The following CENPP variants were observed in gnomAD, a reference collection of about 807,000 sequenced individuals.
The protein encoded by CENPP is centromere protein P.
Under a neutral mutation model 35.6 loss-of-function variants are expected in CENPP, and 24 were observed. The ratio of observed to expected loss-of-function variants is 0.67; its 90% CI spans 0.49 to 0.95. The LOEUF (loss-of-function observed/expected upper bound fraction) is 0.95, where lower values mean the gene tolerates loss of function less well. Ranked by LOEUF, CENPP falls within the 40% of genes least tolerant of loss-of-function variation. The pLI, the probability that CENPP is intolerant of heterozygous loss-of-function variation, is 0.00. For missense variants in CENPP, 332 were observed against 345.3 expected, an observed-to-expected ratio of 0.96 and a Z score of 0.31; for synonymous variants, 120 against 125.5, an observed-to-expected ratio of 0.96 and a Z score of 0.29.
chr9:92,472,650 T>A (rs1045756272), intron 5 of CENPP, among the ~76,000 whole-genome samples: 1 of 152,040 alleles, frequency 6.6e-6, no homozygotes, highest in African/African-American at 2.4e-5. Context: ...AGAGCAAGAC[T>A]CTGTCTCAAA....
intron 5 of CENPP, among the ~76,000 whole-genome samples, chr9:92,525,310 T>C (rs146032823): frequency 0.04 from 6,043 of 150,144 alleles, 183 homozygotes; most frequent in South Asian, 0.099. Context: ...AGAGCGAGAC[T>C]CTGTCTCAAA....
chr9:92,562,209 T>C (rs998252607), intron 5 of CENPP, among the ~76,000 whole-genome samples: 2 of 145,342 alleles, frequency 1.4e-5, no homozygotes, highest in Non-Finnish European at 3.0e-5. Context: ...TTTCTTTTCT[T>C]TTTTTTTTTT....
intron 5 of CENPP, chr9:92,600,578 C>T (rs990662913): frequency 1.0e-5 from 16 of 1,606,826 alleles, no homozygotes; most frequent in East Asian, 6.7e-5. Flanking sequence ...CAAGCCCTTG[C>T]GAGGGTTCTG....
intron 5 of CENPP, among the ~76,000 whole-genome samples, chr9:92,515,854 G>C (rs570244829): frequency 3.5e-4 from 54 of 152,272 alleles, no homozygotes; most frequent in African/African-American, 1.3e-3. Flanking sequence ...CTGGACTTAA[G>C]TGATGTTGCT....
At chr9:92,402,531 C>T (rs922476948) in intron 5 of CENPP, among the ~76,000 whole-genome samples, 3 of 152,132 alleles carry the variant, frequency 2.0e-5, no homozygotes, top group Admixed American at 1.3e-4. Context: ...TTTCCTTACC[C>T]AGCATTCATT....
intron 5 of CENPP, among the ~76,000 whole-genome samples, chr9:92,416,366 A>G (rs544840240): frequency 6.6e-6 from 1 of 152,076 alleles, no homozygotes; most frequent in East Asian, 1.9e-4. Context: ...TAGCCTCCCA[A>G]AGTGCTCTGA....
chr9:92,356,842 A>G (rs13297018), intron 4 of CENPP, among the ~76,000 whole-genome samples: 1 of 152,224 alleles, frequency 6.6e-6, no homozygotes, highest in Admixed American at 6.5e-5. Context: ...TGAAATCTTC[A>G]CAATTTATGT....
intron 5 of CENPP, among the ~76,000 whole-genome samples, chr9:92,528,874 A>T (rs1467594662): frequency 6.6e-6 from 1 of 152,238 alleles, no homozygotes; most frequent in African/African-American, 2.4e-5. Context: ...GTTGACCCAT[A>T]ATGGGAAAAA....
In CENPP at chr9:92,455,533, A is replaced by G. The variant is rs538370716; in HGVS notation, c.564+75674A>G. Among the ~76,000 whole-genome samples, 9 of 152,248 alleles carry G rather than the reference A, an allele frequency of 5.9e-5. No individual in the cohort carries two copies. In the South Asian group the frequency reaches 1.7e-3, roughly 28 times the overall value. ...AAGAATGACCTGGCCCAAAATGTCA[A>G]GGGAGCCAAAGTTGAGTAACTCCAC... On this transcript the variant is annotated intron_variant, in intron 5 of 7. Coordinates refer to ENST00000375587, the MANE Select transcript of CENPP (RefSeq NM_001012267.3).
chr9:92,387,069 A>G (rs1233196925), intron 5 of CENPP, among the ~76,000 whole-genome samples: 3 of 148,448 alleles, frequency 2.0e-5, no homozygotes, highest in East Asian at 2.0e-4. Context: ...AAAAAAAAAA[A>G]AAAAAAGAAA....
At chr9:92,448,623 C>T (rs140074146) in intron 5 of CENPP, among the ~76,000 whole-genome samples, 1 of 152,000 alleles carries the variant, frequency 6.6e-6, no homozygotes, top group East Asian at 1.9e-4. Flanking sequence ...AAGCCGTTCT[C>T]CTGTGGGCTG....
At chr9:92,415,367 A>C (rs779760317) in intron 5 of CENPP, 17 of 1,613,316 alleles carry the variant, frequency 1.1e-5, no homozygotes, top group Middle Eastern at 1.6e-4. Flanking sequence ...AAGCAGAAGA[A>C]GATGTATGAG....
In CENPP at chr9:92,439,213, A is replaced by G. The variant is rs113970996; in HGVS notation, c.564+59354A>G. On this transcript the variant is annotated intron_variant, in intron 5 of 7. Transcript: ENST00000375587. ...AAGTTATTGGCTAAATTTTAAAAAT[A>G]TAATAATAGTGGCTTAAGACTATTT... Among the ~76,000 whole-genome samples, 163 of 152,296 alleles carry G rather than the reference A, an allele frequency of 1.1e-3. 1 individual carries two copies. The highest frequency in any genetic ancestry group is 3.7e-3 in the African/African-American group (154 of 41,564).
intron 4 of CENPP, among the ~76,000 whole-genome samples, chr9:92,355,180 T>A (rs1841557988): frequency 6.6e-6 from 1 of 152,110 alleles, no homozygotes; most frequent in Admixed American, 6.5e-5. Flanking sequence ...TTCCCCACCC[T>A]AGTAAGCCTG....
At chr9:92,607,880 C>G (rs1851125389) in intron 5 of CENPP, among the ~76,000 whole-genome samples, 1 of 152,212 alleles carries the variant, frequency 6.6e-6, no homozygotes, top group Non-Finnish European at 1.5e-5. Flanking sequence ...ATCAAATTGC[C>G]AACATTCTTA....
chr9:92,394,879 T>G (rs1842832324), intron 5 of CENPP, among the ~76,000 whole-genome samples: 1 of 152,200 alleles, frequency 6.6e-6, no homozygotes, highest in South Asian at 2.1e-4. Context: ...AGTGCTAGGA[T>G]TACAGGTGTG....
At chr9:92,551,925 GTATA>G (rs143120429) in intron 5 of CENPP, among the ~76,000 whole-genome samples, 8,934 of 84,430 alleles carry the variant, frequency 0.11, 897 homozygotes, top group East Asian at 0.25. Flanking sequence ...TGGTGTGTGT[GTATA>G]TATATATATA....
At chr9:92,538,035 T>G (rs1276222319) in intron 5 of CENPP, among the ~76,000 whole-genome samples, 1 of 152,110 alleles carries the variant, frequency 6.6e-6, no homozygotes, top group Non-Finnish European at 1.5e-5. Flanking sequence ...TCCTCTTCCT[T>G]GAGGACAGCT....
intron 5 of CENPP, among the ~76,000 whole-genome samples, chr9:92,541,175 C>T (rs56168105): frequency 0.26 from 39,035 of 151,992 alleles, 7,254 homozygotes; most frequent in African/African-American, 0.52. Flanking sequence ...AGGACAATCA[C>T]TTGAACCCAG....
Sources: allele counts gnomAD v4.1 joint callset (sites outside exome capture counted in the v4.1 genomes callset), GRCh38; gene constraint gnomAD v4.1.1; transcripts MANE v1.5; gene names NCBI Gene and HGNC (gene_info 2026-07-23, HGNC 2026-07-21).